Variants in NAALADL2 observed in about 807,000 individuals in gnomAD.
NAALADL2 encodes the protein inactive N-acetylated-alpha-linked acidic dipeptidase-like protein 2.
A neutral mutation model predicts 87.2 loss-of-function variants in NAALADL2; 76 were observed. The observed-to-expected ratio is 0.87, with a 90% CI of 0.72 to 1.05. NAALADL2 has a LOEUF of 1.05. Among genes scored for constraint, NAALADL2 ranks in the 50% least tolerant of loss-of-function variants. The probability of loss-of-function intolerance (pLI) is 0.00; values close to 1 mark genes in which losing one functional copy is unlikely to be tolerated. For missense variants in NAALADL2, 1,089 were observed against 945.8 expected (o/e 1.15, Z -1.99); for synonymous variants, 354 against 331.0 (o/e 1.07, Z -0.75).
At chr3:175,793,307 C>CTTTTTTTTTTTTTT (rs66905230) in intron 13 of NAALADL2, among the ~76,000 whole-genome samples, 1 of 116,932 alleles carries the variant, frequency 8.6e-6, no homozygotes. Flanking sequence ...CATTTTCTTT[C>CTTTTTTTTTTTTTT]TTTTTTTTTT....
intron 11 of NAALADL2, among the ~76,000 whole-genome samples, chr3:175,721,822 T>C (rs1240724460): frequency 1.3e-5 from 2 of 152,004 alleles, no homozygotes; most frequent in African/African-American, 2.4e-5. Context: ...GTGAGTGCCT[T>C]AGAGAAGGAC....
chr3:175,771,164 T>G (rs981567237), intron 13 of NAALADL2, among the ~76,000 whole-genome samples: 2 of 152,200 alleles, frequency 1.3e-5, no homozygotes, highest in African/African-American at 2.4e-5. Flanking sequence ...TTTATTATTA[T>G]AAGTCACAAT....
At chr3:174,816,388 G>A (rs901889025) in intron 3 of NAALADL2, among the ~76,000 whole-genome samples, 88 of 93,472 alleles carry the variant, frequency 9.4e-4, no homozygotes, top group African/African-American at 4.9e-3. Context: ...ATATATATAT[G>A]TGTGTGTGTG....
chr3:175,131,311 G>A (rs1727812505), intron 2 of NAALADL2, among the ~76,000 whole-genome samples: 1 of 152,012 alleles, frequency 6.6e-6, no homozygotes, highest in Admixed American at 6.5e-5. Flanking sequence ...CTTCTGCAGT[G>A]TTTGTGTCCC....
chr3:174,767,766 T>C (rs1476880798), intron 3 of NAALADL2, among the ~76,000 whole-genome samples: 1 of 152,250 alleles, frequency 6.6e-6, no homozygotes, highest in Non-Finnish European at 1.5e-5. Context: ...ATATCTAAAC[T>C]CAGAACAACT....
chr3:175,444,165 C>G (rs1456595643), intron 5 of NAALADL2, among the ~76,000 whole-genome samples: 1 of 152,144 alleles, frequency 6.6e-6, no homozygotes, highest in Admixed American at 6.5e-5. Context: ...GGTGTTTGAA[C>G]TGGGGAGAGA....
intron 5 of NAALADL2, among the ~76,000 whole-genome samples, chr3:175,408,263 AAG>A (rs1286034324): frequency 6.6e-6 from 1 of 152,104 alleles, no homozygotes; most frequent in East Asian, 1.9e-4. Flanking sequence ...AAATTGATAA[AAG>A]AGTAGATTTT....
At chr3:175,257,120 T>C (rs1275829827) in intron 4 of NAALADL2, 4 of 151,708 alleles carry the variant, frequency 2.6e-5, no homozygotes, top group Non-Finnish European at 5.9e-5. Flanking sequence ...CTTATGTAAT[T>C]AAGTTTCTGA....
chr3:175,483,640 C>G (rs985075807), intron 9 of NAALADL2, among the ~76,000 whole-genome samples: 9 of 151,824 alleles, frequency 5.9e-5, no homozygotes, highest in Admixed American at 2.6e-4. Flanking sequence ...TGCAGAGGAC[C>G]GTTGACTCAA....
At chr3:175,485,405 T>C (rs1727108898) in intron 9 of NAALADL2, among the ~76,000 whole-genome samples, 1 of 152,080 alleles carries the variant, frequency 6.6e-6, no homozygotes, top group Non-Finnish European at 1.5e-5. Context: ...GATCACAAGG[T>C]ATTAGTCCCA....
At chr3:175,391,376 G>T (rs1485072390) in intron 5 of NAALADL2, among the ~76,000 whole-genome samples, 1 of 152,164 alleles carries the variant, frequency 6.6e-6, no homozygotes, top group African/African-American at 2.4e-5. Context: ...ATTACAAAGA[G>T]ACCATAGCTT....
At chr3:175,022,923 C>G (rs1751745852) in intron 1 of NAALADL2, among the ~76,000 whole-genome samples, 2 of 152,120 alleles carry the variant, frequency 1.3e-5, no homozygotes, top group South Asian at 2.1e-4. Flanking sequence ...GTGTGATACT[C>G]TCCCTGCTCC....
chr3:175,627,017 C>A (rs1727080385), intron 10 of NAALADL2, among the ~76,000 whole-genome samples: 1 of 151,680 alleles, frequency 6.6e-6, no homozygotes, highest in African/African-American at 2.4e-5. Flanking sequence ...ATTTTCTGTC[C>A]TAAACTGTCA....
chr3:175,554,220 C>T (rs949853476), intron 9 of NAALADL2, among the ~76,000 whole-genome samples: 85 of 152,008 alleles, frequency 5.6e-4, no homozygotes, highest in Admixed American at 1.4e-3. Flanking sequence ...AGGCAGCAAT[C>T]GGGAGCCATG....
intron 7 of NAALADL2, among the ~76,000 whole-genome samples, chr3:175,465,169 G>A (rs1018831078): frequency 6.6e-6 from 1 of 151,026 alleles, no homozygotes; most frequent in Non-Finnish European, 1.5e-5. Context: ...GGAGAATGGC[G>A]TGAACCCGGG....
intron 5 of NAALADL2, among the ~76,000 whole-genome samples, chr3:175,390,279 TTTG>T (rs1768919900): frequency 6.6e-6 from 1 of 152,172 alleles, no homozygotes; most frequent in Non-Finnish European, 1.5e-5. Flanking sequence ...CTGTTTTATA[TTTG>T]GCACATTAGA....
At chr3:174,864,470 A>C (rs922342329) in intron 1 of NAALADL2, among the ~76,000 whole-genome samples, 1 of 152,092 alleles carries the variant, frequency 6.6e-6, no homozygotes, top group African/African-American at 2.4e-5. Flanking sequence ...CCTTTGATTT[A>C]AATAATATTT....
At chr3:174,708,192 A>C (rs953642022) in intron 2 of NAALADL2, among the ~76,000 whole-genome samples, 1 of 151,778 alleles carries the variant, frequency 6.6e-6, no homozygotes, top group Admixed American at 6.6e-5. Context: ...CTACATCTCT[A>C]CCTCCCCTTA....
intron 11 of NAALADL2, among the ~76,000 whole-genome samples, chr3:175,694,517 T>C (rs1737478686): frequency 6.6e-6 from 1 of 152,164 alleles, no homozygotes; most frequent in Non-Finnish European, 1.5e-5. Context: ...TTGCTCATTC[T>C]TGTTATTTTC....
Sources: allele counts gnomAD v4.1 joint callset (sites outside exome capture counted in the v4.1 genomes callset), GRCh38; gene constraint gnomAD v4.1.1; transcripts MANE v1.5; gene names NCBI Gene and HGNC (gene_info 2026-07-23, HGNC 2026-07-21).